Variants in CTNNA3 observed in about 807,000 individuals in gnomAD.
CTNNA3 encodes catenin alpha-3.
CTNNA3 carries 76 observed loss-of-function variants against 95.7 expected under a neutral mutation model. The observed-to-expected ratio is 0.79, with a 90% CI of 0.66 to 0.96. The LOEUF (loss-of-function observed/expected upper bound fraction) is 0.96, where lower values mean the gene tolerates loss of function less well. Ranked by LOEUF, CTNNA3 falls within the 40% of genes least tolerant of loss-of-function variation. The pLI is 0.00. For synonymous variants in CTNNA3, 431 were observed against 374.4 expected, an observed-to-expected ratio of 1.15 and a Z score of -1.74; for missense variants, 1,191 against 1,089.8, an observed-to-expected ratio of 1.09 and a Z score of -1.31.
chr10:67,317,917 C>A (rs201496687), intron 5 of CTNNA3, among the ~76,000 whole-genome samples: 3 of 140,966 alleles, frequency 2.1e-5, no homozygotes, highest in African/African-American at 7.5e-5. Context: ...AGTTGAATCT[C>A]TTTAAAATCA....
At chr10:67,265,581 C>A (rs1866789923) in intron 5 of CTNNA3, among the ~76,000 whole-genome samples, 1 of 152,068 alleles carries the variant, frequency 6.6e-6, no homozygotes, top group Non-Finnish European at 1.5e-5. Flanking sequence ...AATGCCCACA[C>A]ACACCTCCCT....
chr10:66,508,873 A>G (rs1020496991), intron 11 of CTNNA3, among the ~76,000 whole-genome samples: 4 of 152,102 alleles, frequency 2.6e-5, no homozygotes, highest in Non-Finnish European at 4.4e-5. Context: ...CTTTAATACA[A>G]TGATTTCCCT....
chr10:66,443,205 GCCTCTGTAGGCTCCA>G (rs887190960), intron 11 of CTNNA3, among the ~76,000 whole-genome samples: 2 of 152,302 alleles, frequency 1.3e-5, no homozygotes, highest in African/African-American at 4.8e-5. Flanking sequence ...AGGCCTGCCT[GCCTCTGTAGGCTCCA>G]CCTCTGGGGG....
chr10:67,732,258 CAA>C (rs1841279454), intron 1 of CTNNA3, among the ~76,000 whole-genome samples: 1 of 151,916 alleles, frequency 6.6e-6, no homozygotes, highest in Admixed American at 6.6e-5. Context: ...TCAAATCAAA[CAA>C]GAGTACTATG....
intron 11 of CTNNA3, among the ~76,000 whole-genome samples, chr10:66,403,576 A>C (rs1266629531): frequency 6.6e-6 from 1 of 152,102 alleles, no homozygotes; most frequent in Admixed American, 6.5e-5. Context: ...ATCACCTTCC[A>C]CCATGTCCCT....
intron 15 of CTNNA3, among the ~76,000 whole-genome samples, chr10:65,993,205 G>T (rs1179960307): frequency 6.6e-6 from 1 of 152,208 alleles, no homozygotes; most frequent in Non-Finnish European, 1.5e-5. Context: ...TGGGAAAAAT[G>T]TATATTCTAC....
At chr10:66,047,883 C>A (rs887323760) in intron 15 of CTNNA3, among the ~76,000 whole-genome samples, 2 of 151,702 alleles carry the variant, frequency 1.3e-5, no homozygotes, top group Admixed American at 1.3e-4. Flanking sequence ...ACAATTGCCA[C>A]AAAAAGAATA....
At chr10:65,935,703 AGT>A (rs779817660) in intron 17 of CTNNA3, among the ~76,000 whole-genome samples, 1 of 151,990 alleles carries the variant, frequency 6.6e-6, no homozygotes, top group Non-Finnish European at 1.5e-5. Flanking sequence ...TCATTTTCTA[AGT>A]GTGTGTGTGT....
chr10:67,296,934 C>CAAAAAAAAAAAAAAAAAAAAA (rs1210482029), intron 5 of CTNNA3, among the ~76,000 whole-genome samples: 5 of 17,656 alleles, frequency 2.8e-4, no homozygotes, highest in African/African-American at 4.0e-4. Context: ...AACGCTGTCT[C>CAAAAAAAAAAAAAAAAAAAAA]AAAAAAAAAA....
At chr10:67,382,845 G>A (rs911526105) in intron 5 of CTNNA3, among the ~76,000 whole-genome samples, 2 of 152,138 alleles carry the variant, frequency 1.3e-5, no homozygotes, top group African/African-American at 2.4e-5. Context: ...AGAGGAGGGG[G>A]TGCCAGGCTT....
chr10:66,009,210 C>T (rs2078958096), intron 15 of CTNNA3, among the ~76,000 whole-genome samples: 1 of 152,150 alleles, frequency 6.6e-6, no homozygotes, highest in Admixed American at 6.5e-5. Flanking sequence ...TGCAATGTTG[C>T]TGACCATCAT....
Position 66,154,138 on chromosome 10 carries a change from T to C in CTNNA3, c.1885-50889A>G, listed in dbSNP as rs141764040. On this transcript the variant is annotated intron_variant, in intron 13 of 17. Transcript: ENST00000433211. Reference sequence around the variant, plus strand: ...GGTAGTAATTATTGTCCAAGACTTGTATTTTTTGGAGATATTTCTTATCCC... The same window carrying C: ...GGTAGTAATTATTGTCCAAGACTTGCATTTTTTGGAGATATTTCTTATCCC... Among the ~76,000 whole-genome samples the C allele has an allele frequency of 3.8e-4, 58 of 152,060 alleles. 1 individual carries two copies. The East Asian group carries it at 7.5e-3, about 20-fold the overall frequency.
intron 1 of CTNNA3, among the ~76,000 whole-genome samples, chr10:67,664,711 C>G (rs776408043): frequency 2.5e-4 from 38 of 152,184 alleles, no homozygotes; most frequent in Middle Eastern, 3.4e-3. Context: ...TAGAACAAGA[C>G]AAGGAATAAA....
chr10:65,994,877 G>T (rs566378667), intron 15 of CTNNA3, among the ~76,000 whole-genome samples: 1 of 152,120 alleles, frequency 6.6e-6, no homozygotes, highest in South Asian at 2.1e-4. Flanking sequence ...GCCTGACCAA[G>T]TTATTTAAAA....
intron 15 of CTNNA3, among the ~76,000 whole-genome samples, chr10:66,001,048 T>C (rs1474988068): frequency 4.6e-5 from 7 of 152,114 alleles, no homozygotes; most frequent in Non-Finnish European, 8.8e-5. Flanking sequence ...GATGGGTAGT[T>C]GGGAGGCCCA....
At chr10:66,703,480 T>A (rs1848019265) in intron 9 of CTNNA3, among the ~76,000 whole-genome samples, 3 of 152,158 alleles carry the variant, frequency 2.0e-5, no homozygotes, top group Admixed American at 1.3e-4. Context: ...TGAGCAGAAA[T>A]GTTGTCAAGG....
chr10:67,017,930 C>G (rs1852762824), intron 7 of CTNNA3, among the ~76,000 whole-genome samples: 2 of 151,908 alleles, frequency 1.3e-5, no homozygotes, highest in South Asian at 4.2e-4. Context: ...CCACCACGCC[C>G]AGCTAATTTT....
chr10:66,345,318 A>C (rs571491951), intron 12 of CTNNA3, among the ~76,000 whole-genome samples: 1 of 152,016 alleles, frequency 6.6e-6, no homozygotes, highest in South Asian at 2.1e-4. Flanking sequence ...ATCATAAAAA[A>C]CCCCAAAGCC....
chr10:67,433,504 G>A (rs1203820815), intron 5 of CTNNA3, among the ~76,000 whole-genome samples: 1 of 152,054 alleles, frequency 6.6e-6, no homozygotes. Flanking sequence ...TCAATACAGA[G>A]TTGCCACAAA....
Sources: gnomAD v4.1 joint callset for allele counts (sites outside exome capture counted in the v4.1 genomes callset) on GRCh38, gnomAD v4.1.1 for gene constraint, MANE v1.5 for transcripts, NCBI Gene and HGNC (gene_info 2026-07-23, HGNC 2026-07-21) for gene names.